Variants in CACNA1E observed in about 807,000 individuals in gnomAD.
The protein encoded by CACNA1E is calcium voltage-gated channel subunit alpha1 E.
In CACNA1E, 40 loss-of-function variants were observed where a neutral mutation model predicts 259.2. That is an observed-to-expected ratio of 0.15 (90% confidence interval 0.12 to 0.20). The LOEUF is 0.20. Among genes scored for constraint, CACNA1E ranks in the 10% least tolerant of loss-of-function variants. CACNA1E has a pLI of 1.00. For missense variants in CACNA1E, 1,874 were observed against 3,040.1 expected, an observed-to-expected ratio of 0.62 and a Z score of 9.02; for synonymous variants, 1,104 against 1,138.5, an observed-to-expected ratio of 0.97 and a Z score of 0.61.
At chr1:181,661,233 G>A (rs970593182) in intron 7 of CACNA1E, among the ~76,000 whole-genome samples, 2 of 152,132 alleles carry the variant, frequency 1.3e-5, no homozygotes. Flanking sequence ...ATAAGGAGAT[G>A]GCTAGATTTG....
intron 6 of CACNA1E, among the ~76,000 whole-genome samples, chr1:181,645,173 AT>A (rs1417649847): frequency 6.6e-6 from 1 of 152,110 alleles, no homozygotes; most frequent in Non-Finnish European, 1.5e-5. Flanking sequence ...TTCAGATGGG[AT>A]TTCCAATTAG....
chr1:181,518,626 T>C (rs964463715), intron 3 of CACNA1E, among the ~76,000 whole-genome samples: 1 of 152,184 alleles, frequency 6.6e-6, no homozygotes, highest in South Asian at 2.1e-4. Context: ...CAGTTAGTAG[T>C]TGATGGGCAG....
chr1:181,784,668 A>C lies in CACNA1E; in HGVS notation c.5478A>C (p.Ala1826=), dbSNP rs1287148037. The C allele has an allele frequency of 6.4e-7, 1 of 1,571,384 alleles. No homozygotes were observed. The highest frequency in any genetic ancestry group is 1.8e-5 in the Admixed American group (1 of 54,824). ...ALDIKIAKGG[A]DRQQLDSELQ... ...TAATTTATCTTATTCTAGGTGGTGC[A>C]GACAGGCAGCAGCTAGACTCAGAGC... The change falls in exon 41 of 48, where the codon GCA becomes GCC. Residue 1826 remains alanine, a synonymous_variant. Transcript: ENST00000367573.
chr1:181,629,743 A>G, intron 6 of CACNA1E, among the ~76,000 whole-genome samples: 1 of 152,202 alleles, frequency 6.6e-6, no homozygotes, highest in East Asian at 1.9e-4. Flanking sequence ...GATTCAAAGG[A>G]AAGGCAAACC....
chr1:181,709,198 T>C (rs1001829536), intron 7 of CACNA1E, among the ~76,000 whole-genome samples: 4 of 152,228 alleles, frequency 2.6e-5, no homozygotes, highest in Non-Finnish European at 5.9e-5. Flanking sequence ...CCCTTGTTAC[T>C]TTCAAATTTC....
At chr1:181,682,814 T>G (rs1650115292) in intron 7 of CACNA1E, among the ~76,000 whole-genome samples, 1 of 152,080 alleles carries the variant, frequency 6.6e-6, no homozygotes, top group South Asian at 2.1e-4. Context: ...GAACTTACTA[T>G]CACAAGAGCA....
chr1:181,747,449 CATTT>C (rs1486616231), intron 25 of CACNA1E, among the ~76,000 whole-genome samples: 7 of 117,314 alleles, frequency 6.0e-5, no homozygotes, highest in Admixed American at 8.9e-5. Flanking sequence ...AAAAATCTGT[CATTT>C]TTTTTTTTTT....
At chr1:181,318,483 A>G (rs1447793344) in intron 1 of CACNA1E, among the ~76,000 whole-genome samples, 12 of 152,158 alleles carry the variant, frequency 7.9e-5, no homozygotes, top group Admixed American at 7.9e-4. Flanking sequence ...CTCACCAAGC[A>G]GTGAGGGGGA....
At chr1:181,627,857 C>T (rs527894830) in intron 6 of CACNA1E, among the ~76,000 whole-genome samples, 41 of 152,184 alleles carry the variant, frequency 2.7e-4, no homozygotes, top group African/African-American at 8.4e-4. Flanking sequence ...TCTTTCTAAC[C>T]GTCTCCCACC....
chr1:181,464,740 TC>T (rs1187819677), intron 2 of CACNA1E, among the ~76,000 whole-genome samples: 1 of 152,078 alleles, frequency 6.6e-6, no homozygotes, highest in African/African-American at 2.4e-5. Context: ...AACCAGTACT[TC>T]AAGTCCAATA....
intron 3 of CACNA1E, among the ~76,000 whole-genome samples, chr1:181,514,617 C>T (rs1014939409): frequency 2.0e-5 from 3 of 152,150 alleles, no homozygotes; most frequent in African/African-American, 7.2e-5. Context: ...TGTCACCTCC[C>T]ATTTTCCCCT....
In CACNA1E at chr1:181,781,535, C is replaced by T. The variant is rs1458625097; in HGVS notation, c.5364+12C>T. Reference sequence around the variant, plus strand: ...AAGTGGCATATAAGGTAGACCACCCCTTCCTTTGCTCTGGGCTACAGACCA... The same window carrying T: ...AAGTGGCATATAAGGTAGACCACCCTTTCCTTTGCTCTGGGCTACAGACCA... On this transcript the variant is annotated intron_variant, in intron 39 of 47. Coordinates refer to ENST00000367573, the MANE Select transcript of CACNA1E (RefSeq NM_001205293.3). The T allele has an allele frequency of 7.3e-7, 1 of 1,366,248 alleles. No homozygotes were observed. Among genetic ancestry groups the T allele is most frequent in the Non-Finnish European group, 1.0e-6 (1 of 967,678 alleles). 84.6% of individuals were successfully genotyped at this position (1,366,248 alleles called of 1,614,324 possible). A position where few individuals can be genotyped will look rare whatever the true frequency, so the allele number is the denominator to read the frequency against.
intron 35 of CACNA1E, among the ~76,000 whole-genome samples, chr1:181,767,122 C>G (rs1012315339): frequency 1.3e-5 from 2 of 152,198 alleles, no homozygotes; most frequent in Non-Finnish European, 2.9e-5. Context: ...CCCTAAGATA[C>G]ATCACTGTGA....
At chr1:181,591,049 G>A (rs1572309663) in intron 6 of CACNA1E, among the ~76,000 whole-genome samples, 3 of 152,166 alleles carry the variant, frequency 2.0e-5, no homozygotes, top group African/African-American at 7.2e-5. Flanking sequence ...CATATATTCT[G>A]AGTTACAAAA....
At chr1:181,471,906 G>C (rs1192999841) in intron 2 of CACNA1E, among the ~76,000 whole-genome samples, 1 of 152,110 alleles carries the variant, frequency 6.6e-6, no homozygotes, top group Non-Finnish European at 1.5e-5. Context: ...CTCAGTGAAA[G>C]TAATCCCTTT....
At chr1:181,369,096 G>A (rs780023320) in intron 1 of CACNA1E, among the ~76,000 whole-genome samples, 42 of 152,330 alleles carry the variant, frequency 2.8e-4, no homozygotes, top group Middle Eastern at 3.4e-3. Context: ...TTGTCTAAGC[G>A]ACTCCACTAG....
intron 2 of CACNA1E, among the ~76,000 whole-genome samples, chr1:181,452,939 T>A (rs1248807324): frequency 6.6e-6 from 1 of 152,220 alleles, no homozygotes; most frequent in Non-Finnish European, 1.5e-5. Flanking sequence ...GTATAAACAT[T>A]TACCAGCTTG....
At position 181,483,549 on chromosome 1, in the gene CACNA1E, A is replaced by G. The variant is rs1418801992; in HGVS notation, c.-196A>G. ...AGGAATGGAGCTTCGCAGAGGTTGC[A>G]TTTAGATTCAACAGTTCACAGCGGC... On this transcript the variant is annotated 5_prime_UTR_variant, in exon 1 of 48. Coordinates refer to ENST00000367573, the MANE Select transcript of CACNA1E (RefSeq NM_001205293.3). The G allele has an allele frequency of 5.9e-6, 2 of 341,490 alleles. No individual in the cohort carries two copies. Among genetic ancestry groups the G allele is most frequent in the African/African-American group, 4.8e-5 (2 of 41,624 alleles). The allele number at this position is 341,490 out of a possible 1,614,324, so 21.2% of individuals were successfully genotyped here.
chr1:181,442,585 C>T (rs1343842414), intron 2 of CACNA1E, among the ~76,000 whole-genome samples: 1 of 150,956 alleles, frequency 6.6e-6, no homozygotes, highest in African/African-American at 2.5e-5. Flanking sequence ...CCCACTTCCT[C>T]TGTTGGGGGC....
Sources: allele counts gnomAD v4.1 joint callset (sites outside exome capture counted in the v4.1 genomes callset), GRCh38; gene constraint gnomAD v4.1.1; transcripts MANE v1.5; gene names NCBI Gene and HGNC (gene_info 2026-07-23, HGNC 2026-07-21).